The following ZNF239 variants were observed in gnomAD, a reference collection of about 807,000 sequenced individuals.
ZNF239 encodes the protein zinc finger protein 239.
In ZNF239, 16 loss-of-function variants were observed where a neutral mutation model predicts 27.5. The observed-to-expected ratio is 0.58, with a 90% confidence interval of 0.39 to 0.88. The LOEUF (loss-of-function observed/expected upper bound fraction) is 0.88. Among genes scored for constraint, ZNF239 ranks in the 40% least tolerant of loss-of-function variants. ZNF239 has a pLI of 0.00. For missense variants in ZNF239, 527 were observed against 551.9 expected, an observed-to-expected ratio of 0.95 and a Z score of 0.45; for synonymous variants, 199 against 192.6, an observed-to-expected ratio of 1.03 and a Z score of -0.27.
Position 43,572,828 on chromosome 10 carries a change from C to A in ZNF239, c.-216+809G>T, listed in dbSNP as rs76163658. Among the ~76,000 whole-genome samples, 502 of 152,200 alleles carry A rather than the reference C, an allele frequency of 3.3e-3. 2 individuals carry two copies. Among genetic ancestry groups the A allele is most frequent in the African/African-American group, 0.012 (490 of 41,526 alleles). On this transcript the variant is annotated intron_variant, in intron 2 of 3. Transcript: ENST00000374446. ...ACTGAAAACTCTCTTTAAAAAAGTA[C>A]GACTTGGTAATTTAAAATTTACTGG...
intron 2 of ZNF239, chr10:43,570,218 A>T (rs1837942460): frequency 1.0e-6 from 1 of 985,236 alleles, no homozygotes; most frequent in African/African-American, 1.7e-5. Context: ...AGATGAAGGT[A>T]AGGATGGGTG....
chr10:43,569,036 G>A (rs1837865666), intron 2 of ZNF239, among the ~76,000 whole-genome samples: 1 of 152,066 alleles, frequency 6.6e-6, no homozygotes. Context: ...ACACTTAACA[G>A]GCCCCAACAG....
At chr10:43,561,409 A>G (rs1837243875) in intron 3 of ZNF239, among the ~76,000 whole-genome samples, 1 of 152,210 alleles carries the variant, frequency 6.6e-6, no homozygotes, top group Non-Finnish European at 1.5e-5. Flanking sequence ...AAGCCAGGTT[A>G]TGTGCAAATA....
intron 2 of ZNF239, chr10:43,570,689 C>T (rs1430116880): frequency 1.1e-6 from 1 of 933,518 alleles, no homozygotes; most frequent in East Asian, 1.2e-4. Context: ...AATGTGTTAC[C>T]TCTTTTCCAT....
chr10:43,560,471 C>T (rs1837144056), intron 3 of ZNF239, among the ~76,000 whole-genome samples: 1 of 152,016 alleles, frequency 6.6e-6, no homozygotes, highest in African/African-American at 2.4e-5. Context: ...CACCACTGTG[C>T]AGGGGAGTAC....
At chr10:43,569,185 T>C (rs539262421) in intron 2 of ZNF239, among the ~76,000 whole-genome samples, 2 of 152,180 alleles carry the variant, frequency 1.3e-5, no homozygotes, top group African/African-American at 4.8e-5. Context: ...ATCTCACCTA[T>C]CACCCACCTC....
At chr10:43,558,975 C>T (rs998903495) in intron 3 of ZNF239, among the ~76,000 whole-genome samples, 2 of 152,036 alleles carry the variant, frequency 1.3e-5, no homozygotes, top group African/African-American at 2.4e-5. Flanking sequence ...CAGAGGAACA[C>T]TCAACTCAGA....
At position 43,557,728 on chromosome 10, in the gene ZNF239, C is replaced by T; in HGVS notation, c.352G>A (p.Val118Ile). The change falls in exon 4 of 4, where the codon GTT (valine) becomes ATT (isoleucine). Residue 118 changes from valine (V) to isoleucine (I), a missense_variant. Val to Ile is a conservative substitution (Grantham distance 29, BLOSUM62 3). Coordinates refer to ENST00000374446, the MANE Select transcript of ZNF239 (RefSeq NM_001099282.2). ...TCTTGTCCATCAGACACCAGTTTAA[C>T]TTGAAGGTTCTCTGAACAACTTTCC... ...KGESCSENLQ[V>I]KLVSDGQELA... 6.2e-7 allele frequency: 1 copy of T among 1,614,130 alleles called. No individual in the cohort carries two copies. The highest frequency in any genetic ancestry group is 8.5e-7 in the Non-Finnish European group (1 of 1,180,034).
At position 43,557,934 on chromosome 10, in the gene ZNF239, G is replaced by A. The variant is rs371068908; in HGVS notation, c.146C>T (p.Thr49Ile). Residue 49 changes from threonine (T) to isoleucine (I), a missense_variant, in exon 4 of 4, where the codon ACT becomes ATT. Physicochemically the swap from Thr to Ile is moderately conservative, Grantham distance 89. Coordinates refer to ENST00000374446, the MANE Select transcript of ZNF239 (RefSeq NM_001099282.2). ...PISRNRDSVM[T>I]LQSGCFENIE... is the part of the protein sequence containing the mutation. ...GTTTTCGAAACAACCACTTTGAAGA[G>A]TCATCACACTGTCCCTGTTTCTGGA... 20 of 1,614,066 alleles carry A rather than the reference G, an allele frequency of 1.2e-5. No homozygotes were observed. In the African/African-American group the frequency reaches 2.1e-4, roughly 17 times the overall value.
intron 3 of ZNF239, among the ~76,000 whole-genome samples, chr10:43,562,500 G>A (rs1262095965): frequency 6.6e-6 from 1 of 152,198 alleles, no homozygotes; most frequent in African/African-American, 2.4e-5. Flanking sequence ...ACTTTTCACT[G>A]TGCACGTTTT....
intron 2 of ZNF239, chr10:43,570,071 G>A (rs17153903): frequency 8.8e-6 from 5 of 569,498 alleles, no homozygotes; most frequent in African/African-American, 4.1e-5. Flanking sequence ...AGTCATAAAG[G>A]CTGTCTCATA....
In ZNF239 at chr10:43,557,403, T is replaced by C. The variant is rs756552529; in HGVS notation, c.677A>G (p.Gln226Arg). ...FSQSSELLLHQRDHTEEKPYK... is the reference protein window; with the variant it reads ...FSQSSELLLHRRDHTEEKPYK... ...GGGTTTTTCTTCTGTGTGGTCTCTC[T>C]GATGAAGTAGTAGCTCTGAGCTTTG... is the stretch of plus-strand genomic sequence containing the variant. The change falls in exon 4 of 4, where the codon CAG becomes CGG. Residue 226 changes from glutamine (Q) to arginine (R), a missense_variant. Physicochemically the swap from Gln to Arg is conservative, Grantham distance 43. Coordinates refer to ENST00000374446, the MANE Select transcript of ZNF239 (RefSeq NM_001099282.2). 1 of 1,614,224 alleles carries C rather than the reference T, an allele frequency of 6.2e-7. No homozygotes were observed. Among genetic ancestry groups the C allele is most frequent in the Non-Finnish European group, 8.5e-7 (1 of 1,180,034 alleles).
chr10:43,563,435 T>C (rs1397231120), intron 3 of ZNF239, among the ~76,000 whole-genome samples: 2 of 152,208 alleles, frequency 1.3e-5, no homozygotes, highest in African/African-American at 4.8e-5. Context: ...CTCTAACACA[T>C]ACTGCATAAA....
chr10:43,562,386 G>C (rs749292756), intron 3 of ZNF239, among the ~76,000 whole-genome samples: 5 of 152,168 alleles, frequency 3.3e-5, no homozygotes, highest in Admixed American at 6.5e-5. Flanking sequence ...TTACTCTTCA[G>C]ATTTTCAGGC....
chr10:43,571,546 A>G (rs2132309025), intron 2 of ZNF239, among the ~76,000 whole-genome samples: 1 of 152,120 alleles, frequency 6.6e-6, no homozygotes, highest in East Asian at 1.9e-4. Flanking sequence ...TCTGAAGGAT[A>G]GGGGCTACAC....
rs1245646373 is a variant in ZNF239, at chr10:43,573,360, T to C, written c.-216+277A>G. On this transcript the variant is annotated intron_variant, in intron 2 of 3. Coordinates refer to ENST00000374446, the MANE Select transcript of ZNF239 (RefSeq NM_001099282.2). The stretch of plus-strand genomic sequence containing the variant: ...TGACTTTCAATGTGAGTGAAATGTC[T>C]GGCAGGAAAAGGCAGGCTTTGAGAG... Among the ~76,000 whole-genome samples, 7 of 152,328 alleles carry C rather than the reference T, an allele frequency of 4.6e-5. No individual in the cohort carries two copies. In the East Asian group the frequency reaches 1.4e-3, roughly 29 times the overall value.
intron 3 of ZNF239, chr10:43,564,159 T>C (rs1350849829): frequency 3.2e-6 from 1 of 308,916 alleles, no homozygotes; most frequent in Non-Finnish European, 4.7e-6. Context: ...GTTTAAACTA[T>C]TGATCCCTTA....
chr10:43,567,159 CA>C (rs779224255), intron 3 of ZNF239, among the ~76,000 whole-genome samples: 598 of 152,050 alleles, frequency 3.9e-3, no homozygotes, highest in Non-Finnish European at 7.2e-3. Context: ...AAAAAGAAAA[CA>C]AAAAAGTGTT....
At chr10:43,569,152 T>C (rs1451340450) in intron 2 of ZNF239, among the ~76,000 whole-genome samples, 1 of 152,116 alleles carries the variant, frequency 6.6e-6, no homozygotes, top group African/African-American at 2.4e-5. Flanking sequence ...AAATCCCCGA[T>C]GTCATTTCAT....
Sources: gnomAD v4.1 joint callset for allele counts (sites outside exome capture counted in the v4.1 genomes callset) on GRCh38, gnomAD v4.1.1 for gene constraint, MANE v1.5 for transcripts, NCBI Gene and HGNC (gene_info 2026-07-23, HGNC 2026-07-21) for gene names.